Variants in ROBO3 observed in about 807,000 individuals in gnomAD.
ROBO3 encodes roundabout homolog 3.
In ROBO3, 97 loss-of-function variants were observed where a neutral mutation model predicts 160.5. That is an observed-to-expected ratio of 0.60 (90% CI 0.51 to 0.72). ROBO3 has a LOEUF of 0.72. ROBO3 is among the 30% of genes least tolerant of loss of function. The probability of loss-of-function intolerance (pLI) is 0.00; values close to 1 mark genes in which losing one functional copy is unlikely to be tolerated. For missense variants in ROBO3, 1,858 were observed against 1,846.5 expected, an observed-to-expected ratio of 1.01 and a Z score of -0.11; for synonymous variants, 780 against 746.2, an observed-to-expected ratio of 1.05 and a Z score of -0.74.
At position 124,872,652 on chromosome 11, in the gene ROBO3, A is replaced by G; in HGVS notation, c.1330+100A>G. On this transcript the variant is annotated intron_variant, in intron 8 of 27. Transcript: ENST00000397801. This position sits in a 1 kb window ranked among gnomAD's most constrained non-coding sequence, Gnocchi z 4.3. The stretch of plus-strand genomic sequence containing the variant: ...GGAGTCTATATACTATGTCTGCAAG[A>G]GGAGAGATGTGTTCCTGAGGCATGA... The G allele has an allele frequency of 8.0e-7, 1 of 1,247,196 alleles. No individual in the cohort carries two copies. The allele number at this position is 1,247,196 out of a possible 1,614,324, so 77.3% of individuals were successfully genotyped here. A position where few individuals can be genotyped will look rare whatever the true frequency, so the allele number is the denominator to read the frequency against.
At position 124,878,934 on chromosome 11, in the gene ROBO3, G is replaced by A. The variant is rs908100292; in HGVS notation, c.3533+138G>A. 1 of 850,676 alleles carries A rather than the reference G, an allele frequency of 1.2e-6. No homozygotes were observed. The highest frequency in any genetic ancestry group is 1.8e-6 in the Non-Finnish European group (1 of 550,814). 52.7% of individuals were successfully genotyped at this position (850,676 alleles called of 1,614,324 possible). A position where few individuals can be genotyped will look rare whatever the true frequency, so the allele number is the denominator to read the frequency against. ...CTCAGGGCTGTGTCAGGGTGGAAGTGTAATTTGGGCAGGAATATGGAGGCT... is the reference window on the plus strand; with the variant it reads ...CTCAGGGCTGTGTCAGGGTGGAAGTATAATTTGGGCAGGAATATGGAGGCT... On this transcript the variant is annotated intron_variant, in intron 23 of 27. Transcript: ENST00000397801. This position sits in a 1 kb window ranked among gnomAD's most constrained non-coding sequence, Gnocchi z 4.3.
intron 7 of ROBO3, among the ~76,000 whole-genome samples, chr11:124,871,722 G>A (rs1306907708): frequency 6.6e-6 from 1 of 152,186 alleles, no homozygotes; most frequent in African/African-American, 2.4e-5. Context: ...AACAGGGTCA[G>A]CAAGATAAAG....
Position 124,871,156 on chromosome 11 carries a change from A to G in ROBO3, c.1158+18A>G, listed in dbSNP as rs781209668. On this transcript the variant is annotated intron_variant, in intron 7 of 27. Transcript: ENST00000397801. ...GGAGTCAGGTGGGTGGCCATCTCCAAGGAGCTTCCCATCAGCCTTCCTCTG... is the reference window on the plus strand; with the variant it reads ...GGAGTCAGGTGGGTGGCCATCTCCAGGGAGCTTCCCATCAGCCTTCCTCTG... The G allele has an allele frequency of 3.7e-6, 6 of 1,605,492 alleles. No individual in the cohort carries two copies. The Admixed American group carries it at 6.7e-5, about 18-fold the overall frequency.
rs878896979 is a variant in ROBO3, at chr11:124,868,809, G to T, written c.168G>T (p.Arg56Ser). 1.9e-6 allele frequency: 3 copies of T among 1,608,604 alleles called. No homozygotes were observed. The highest frequency in any genetic ancestry group is 2.5e-6 in the Non-Finnish European group (3 of 1,177,986). ...PPGDPSLNGS[R>S]VGPEDAMPRI... is the part of the protein sequence containing the mutation. ...GCCACCCCCTGTCCCCAGGGTCAAG[G>T]GTAGGACCGGAGGACGCTATGCCCC... Residue 56 changes from arginine (R) to serine (S), a missense_variant, in exon 2 of 28, where the codon AGG becomes AGT. Coordinates refer to ENST00000397801, the MANE Select transcript of ROBO3 (RefSeq NM_022370.4).
At position 124,874,507 on chromosome 11, in the gene ROBO3, A is replaced by G. The variant is rs1023218592; in HGVS notation, c.1951+271A>G. On this transcript the variant is annotated intron_variant, in intron 12 of 27. Transcript: ENST00000397801. ...CTTCTGACTTCTGAGCCTTTTACCCATAGATAATAATATAGATTATTAAGA... is the reference window on the plus strand; with the variant it reads ...CTTCTGACTTCTGAGCCTTTTACCCGTAGATAATAATATAGATTATTAAGA... Among the ~76,000 whole-genome samples, 7 of 152,292 alleles carry G rather than the reference A, an allele frequency of 4.6e-5. No individual in the cohort carries two copies. In the East Asian group the frequency reaches 5.8e-4, roughly 13 times the overall value.
At chr11:124,880,067 C>G in intron 26 of ROBO3, 119 bp downstream of exon 26, 1 of 996,436 alleles carries the variant, frequency 1.0e-6, no homozygotes, top group South Asian at 1.7e-5. Context: ...GCATTTGATC[C>G]ACATCAAACT....
rs766437844 is a variant in ROBO3 at position 124,876,387 on chromosome 11, G to A, written c.2706G>A (p.Gly902=). The change falls in exon 17 of 28, where the codon GGG becomes GGA. Residue 902 remains glycine, a synonymous_variant. Coordinates refer to ENST00000397801, the MANE Select transcript of ROBO3 (RefSeq NM_022370.4). The surrounding 1 kb of genome is among the most constrained non-coding windows in gnomAD (Gnocchi z 5.3). ...AFLAGSGAAC[G]ALLLGLCAAL... ...TCGCGGGCAGCGGCGCAGCCTGCGGGGCGCTGCTTCTCGGGCTCTGCGCCG... is the reference window on the plus strand; with the variant it reads ...TCGCGGGCAGCGGCGCAGCCTGCGGAGCGCTGCTTCTCGGGCTCTGCGCCG... The A allele has an allele frequency of 1.6e-5, 23 of 1,449,776 alleles. No homozygotes were observed. The highest frequency in any genetic ancestry group is 4.2e-4 in the Middle Eastern group (2 of 4,718). The allele number at this position is 1,449,776 out of a possible 1,614,324, so 89.8% of individuals were successfully genotyped here. A position where few individuals can be genotyped will look rare whatever the true frequency, so the allele number is the denominator to read the frequency against.
Position 124,879,193 on chromosome 11 carries a change from G to T in ROBO3, c.3537G>T (p.Arg1179Ser). The T allele has an allele frequency of 3.2e-6, 5 of 1,551,142 alleles. No homozygotes were observed. Among genetic ancestry groups the T allele is most frequent in the Non-Finnish European group, 4.4e-6 (5 of 1,146,826 alleles). Residue 1179 changes from arginine (R) to serine (S), a missense_variant, in exon 24 of 28, where the codon AGG (arginine) becomes AGT (serine). Coordinates refer to ENST00000397801, the MANE Select transcript of ROBO3 (RefSeq NM_022370.4). ...CTGCGGCCTCCTGTCATTGCAGGAG[G>T]GTGCCCCTTGGGCCGAGTTCCCCTC... ...DMPHLHQMPR[R>S]VPLGPSSPLS...
intron 27 of ROBO3, 148 bp downstream of exon 27, chr11:124,880,756 G>T (rs1476196951): frequency 5.6e-6 from 7 of 1,259,238 alleles, no homozygotes; most frequent in Non-Finnish European, 7.4e-6. Context: ...GAGGAATCCT[G>T]TAGAAGTGAC....
In ROBO3 at chr11:124,876,467, T is replaced by C. The variant is rs1012769700; in HGVS notation, c.2779+7T>C. On this transcript the variant is annotated splice_region_variant and intron_variant, in intron 17 of 27. Transcript: ENST00000397801. The surrounding 1 kb of genome is among the most constrained non-coding windows in gnomAD (Gnocchi z 5.3). ...GAGCTCAGCCACTACACGGGTGAGC[T>C]CCCGGCCTCGGAGCGGACGGATCCG... The C allele has an allele frequency of 2.9e-6, 4 of 1,384,440 alleles. No individual in the cohort carries two copies. The highest frequency in any genetic ancestry group is 3.7e-6 in the Non-Finnish European group (4 of 1,073,256). 85.8% of individuals were successfully genotyped at this position (1,384,440 alleles called of 1,614,324 possible).
chr11:124,876,224 C>T lies in ROBO3; in HGVS notation c.2594-51C>T. The stretch of plus-strand genomic sequence containing the variant: ...TGCCGGGTCGGGAATGACCCTTTCC[C>T]AGTTCCAGGGTTTCGGGCCCCTCCT... On this transcript the variant is annotated intron_variant, in intron 16 of 27. Coordinates refer to ENST00000397801, the MANE Select transcript of ROBO3 (RefSeq NM_022370.4). This position sits in a 1 kb window ranked among gnomAD's most constrained non-coding sequence, Gnocchi z 5.3. The T allele has an allele frequency of 6.7e-7, 1 of 1,501,978 alleles. No individual in the cohort carries two copies. The highest frequency in any genetic ancestry group is 8.8e-7 in the Non-Finnish European group (1 of 1,133,900). 93.0% of individuals were successfully genotyped at this position (1,501,978 alleles called of 1,614,324 possible).
intron 1 of ROBO3, among the ~76,000 whole-genome samples, chr11:124,866,465 T>G (rs1455128308): frequency 6.6e-6 from 1 of 152,188 alleles, no homozygotes; most frequent in Admixed American, 6.5e-5. Context: ...GCCCCCTGCC[T>G]GCCGCATCGG....
rs1380999624 is a variant in ROBO3, at chr11:124,876,399, C to T, written c.2718C>T (p.Leu906=). The part of the protein sequence containing the change: ...GSGAACGALL[L]GLCAALYWRR... ...GCGCAGCCTGCGGGGCGCTGCTTCTCGGGCTCTGCGCCGCCCTCTACTGGC... is the reference window on the plus strand; with the variant it reads ...GCGCAGCCTGCGGGGCGCTGCTTCTTGGGCTCTGCGCCGCCCTCTACTGGC... The change falls in exon 17 of 28, where the codon CTC becomes CTT. Residue 906 remains leucine, a synonymous_variant. Transcript: ENST00000397801. The surrounding 1 kb of genome is among the most constrained non-coding windows in gnomAD (Gnocchi z 5.3). 5.5e-6 allele frequency: 8 copies of T among 1,454,322 alleles called. No homozygotes were observed. The highest frequency in any genetic ancestry group is 1.4e-5 in the South Asian group (1 of 73,008). 90.1% of individuals were successfully genotyped at this position (1,454,322 alleles called of 1,614,324 possible).
At position 124,874,771 on chromosome 11, in the gene ROBO3, G is replaced by A; in HGVS notation, c.1952-17G>A. On this transcript the variant is annotated splice_polypyrimidine_tract_variant and intron_variant, in intron 12 of 27. Transcript: ENST00000397801. ...TGTCCCTGGTGGCCTCTGCTGAATG[G>A]GTTCCTTGGTCAACAGATAGCAGCC... The A allele has an allele frequency of 1.9e-6, 3 of 1,602,444 alleles. No homozygotes were observed. Among genetic ancestry groups the A allele is most frequent in the Non-Finnish European group, 1.7e-6 (2 of 1,174,564 alleles).
intron 15 of ROBO3, 62 bp from the exon 16 acceptor site, chr11:124,875,892 A>G (rs1946354214): frequency 6.5e-7 from 1 of 1,547,692 alleles, no homozygotes; most frequent in Non-Finnish European, 8.8e-7. Flanking sequence ...TGGAGCCTTA[A>G]GTTTCCCGGT....
At position 124,877,164 on chromosome 11, in the gene ROBO3, CTT is replaced by C; in HGVS notation, c.2786_2787del (p.Phe929CysfsTer56). 1 of 1,613,964 alleles carries C rather than the reference CTT, an allele frequency of 6.2e-7. No homozygotes were observed. Among genetic ancestry groups the C allele is most frequent in the Non-Finnish European group, 8.5e-7 (1 of 1,179,874 alleles). ...CCCACGGGTTCCTTTCTGGAAGCCT[CTT>C]TTGCCTACACACCGGCAGGTAAGCC... On this transcript the variant is annotated frameshift_variant, in exon 18 of 28. Coordinates refer to ENST00000397801, the MANE Select transcript of ROBO3 (RefSeq NM_022370.4). LOFTEE classifies it high-confidence loss of function.
In ROBO3 at chr11:124,875,257, C is replaced by G. The variant is rs1472135488; in HGVS notation, c.2220C>G (p.Ile740Met). ...VLRGLPPGTQ[I>M]QIKVQAQGQE... Reference sequence around the variant, plus strand: ...GAGGACTCCCTCCAGGGACCCAAATCCAGATCAAGGTGCAAGCCCAAGGCC... The same window carrying G: ...GAGGACTCCCTCCAGGGACCCAAATGCAGATCAAGGTGCAAGCCCAAGGCC... Residue 740 changes from isoleucine (I) to methionine (M), a missense_variant, in exon 14 of 28, where the codon ATC becomes ATG. Transcript: ENST00000397801. 6.2e-6 allele frequency: 10 copies of G among 1,613,592 alleles called. No individual in the cohort carries two copies. Among genetic ancestry groups the G allele is most frequent in the Non-Finnish European group, 7.6e-6 (9 of 1,179,828 alleles).
chr11:124,878,430 A>G lies in ROBO3; in HGVS notation c.3314A>G (p.Glu1105Gly). 1.2e-6 allele frequency: 2 copies of G among 1,612,852 alleles called. No homozygotes were observed. Among genetic ancestry groups the G allele is most frequent in the Non-Finnish European group, 1.7e-6 (2 of 1,179,220 alleles). Residue 1105 changes from glutamate to glycine, a missense_variant, in exon 22 of 28, where the codon GAG becomes GGG. Coordinates refer to ENST00000397801, the MANE Select transcript of ROBO3 (RefSeq NM_022370.4). This position sits in a 1 kb window ranked among gnomAD's most constrained non-coding sequence, Gnocchi z 4.3. The stretch of plus-strand genomic sequence containing the variant: ...CTAGAAGGGCCGGAGGAGGAGCTGG[A>G]GGGCAGGTAGAGATGCTCCCTGCTT... Reference protein sequence around the residue: ...SCLEGPEEELEGSSEPEEWCP... With the variant: ...SCLEGPEEELGGSSEPEEWCP...
chr11:124,871,098 A>AC lies in ROBO3; in HGVS notation c.1124dup (p.Pro376ThrfsTer35). The stretch of plus-strand genomic sequence containing the variant: ...GCTTTCCAGTGCGAGACCAAAGGAA[A>AC]CCCCCCACCTGCCATCTTCTGGCAG... On this transcript the variant is annotated frameshift_variant, in exon 7 of 28. Transcript: ENST00000397801. LOFTEE classifies it high-confidence loss of function. 1 of 1,612,694 alleles carries AC rather than the reference A, an allele frequency of 6.2e-7. No individual in the cohort carries two copies. Among genetic ancestry groups the AC allele is most frequent in the Non-Finnish European group, 8.5e-7 (1 of 1,179,304 alleles).
Sources: gnomAD v4.1 joint callset for allele counts (sites outside exome capture counted in the v4.1 genomes callset) on GRCh38, gnomAD v4.1.1 for gene constraint, Gnocchi (gnomAD v3.1) non-coding constraint, MANE v1.5 for transcripts, NCBI Gene and HGNC (gene_info 2026-07-23, HGNC 2026-07-21) for gene names.